GPR158: variants seen among roughly 807,000 people sequenced by gnomAD.
GPR158 encodes G protein-coupled receptor 158, also known as metabotropic glycine receptor.
Under a neutral mutation model 78.2 loss-of-function variants are expected in GPR158, and 30 were observed. That is an observed-to-expected ratio of 0.38 (90% CI 0.29 to 0.52). The LOEUF (loss-of-function observed/expected upper bound fraction) is 0.52. GPR158 is among the 20% of genes least tolerant of loss of function. GPR158 has a pLI of 0.83. For missense variants in GPR158, 1,463 were observed against 1,523.5 expected (o/e 0.96, Z 0.66); for synonymous variants, 581 against 591.1 (o/e 0.98, Z 0.25).
chr10:25,597,744 T>G (rs763713759), intron 10 of GPR158, 28 bp from the exon 11 acceptor site: 1 of 1,481,116 alleles, frequency 6.8e-7, no homozygotes, highest in Non-Finnish European at 9.0e-7. Context: ...AATTCTACAC[T>G]TCTTTGAATT....
rs756509446 is a variant in GPR158, at chr10:25,412,435, G to A, written c.1297G>A (p.Val433Ile). The change falls in exon 4 of 11, where the codon GTT becomes ATT. Residue 433 changes from valine to isoleucine, a missense_variant. Coordinates refer to ENST00000376351, the MANE Select transcript of GPR158 (RefSeq NM_020752.3). The stretch of plus-strand genomic sequence containing the variant: ...AGCCCTGTGTATGCTGCTCGACTTC[G>A]TTAGCATGCTGGTGGTCTACCACTT... ...FQALCMLLDF[V>I]SMLVVYHFRK... is the part of the protein sequence containing the mutation. 16 of 1,613,948 alleles carry A rather than the reference G, an allele frequency of 9.9e-6. No individual in the cohort carries two copies. Among genetic ancestry groups the A allele is most frequent in the South Asian group, 2.2e-5 (2 of 91,082 alleles).
chr10:25,437,287 A>G (rs1328079268), intron 4 of GPR158, among the ~76,000 whole-genome samples: 1 of 151,736 alleles, frequency 6.6e-6, no homozygotes, highest in Non-Finnish European at 1.5e-5. Flanking sequence ...GTACAGTGGT[A>G]CAGTCTCAGC....
chr10:25,559,743 TTATAAC>T (rs1276783803), intron 6 of GPR158, among the ~76,000 whole-genome samples: 1 of 152,220 alleles, frequency 6.6e-6, no homozygotes, highest in East Asian at 1.9e-4. Context: ...CTAATAGTGT[TTATAAC>T]TAGTGCTATT....
At chr10:25,227,507 T>C (rs1251540164) in intron 2 of GPR158, among the ~76,000 whole-genome samples, 1 of 152,186 alleles carries the variant, frequency 6.6e-6, no homozygotes, top group African/African-American at 2.4e-5. Flanking sequence ...CACATATAAT[T>C]AGGTGTACTA....
intron 2 of GPR158, among the ~76,000 whole-genome samples, chr10:25,232,026 C>T (rs1279698076): frequency 1.3e-5 from 2 of 152,104 alleles, no homozygotes; most frequent in South Asian, 2.1e-4. Context: ...CTCAAAGTAC[C>T]AGACTTTCTT....
chr10:25,312,891 A>C (rs747827850), intron 2 of GPR158, among the ~76,000 whole-genome samples: 3 of 152,022 alleles, frequency 2.0e-5, no homozygotes, highest in Admixed American at 6.6e-5. Context: ...ACGCCAGCAA[A>C]ATTTTAACCC....
chr10:25,187,575 T>A (rs1434420506), intron 1 of GPR158, among the ~76,000 whole-genome samples: 1 of 152,142 alleles, frequency 6.6e-6, no homozygotes, highest in Non-Finnish European at 1.5e-5. Context: ...TTCGACAAAA[T>A]TCAACAGCCC....
chr10:25,351,873 C>T (rs903078120), intron 2 of GPR158, among the ~76,000 whole-genome samples: 3 of 151,796 alleles, frequency 2.0e-5, no homozygotes, highest in African/African-American at 7.3e-5. Flanking sequence ...CATCCATTAG[C>T]TATTCTTCCT....
At chr10:25,213,086 A>G (rs1403844258) in intron 1 of GPR158, among the ~76,000 whole-genome samples, 3 of 152,196 alleles carry the variant, frequency 2.0e-5, no homozygotes, top group African/African-American at 7.2e-5. Context: ...CTGATTTTAA[A>G]TGATCATATC....
intron 2 of GPR158, among the ~76,000 whole-genome samples, chr10:25,287,401 T>C (rs906221329): frequency 5.9e-5 from 9 of 152,094 alleles, no homozygotes; most frequent in African/African-American, 2.2e-4. Flanking sequence ...CTTTTTTTAT[T>C]ATCCCCCTTC....
intron 6 of GPR158, among the ~76,000 whole-genome samples, chr10:25,565,548 T>C (rs529987977): frequency 9.9e-5 from 15 of 152,130 alleles, no homozygotes; most frequent in Admixed American, 2.0e-4. Flanking sequence ...CTGAACCAGC[T>C]GCTAGATAGT....
chr10:25,467,563 T>G (rs1835441825), intron 5 of GPR158, among the ~76,000 whole-genome samples: 1 of 152,174 alleles, frequency 6.6e-6, no homozygotes, highest in Non-Finnish European at 1.5e-5. Context: ...GGAAAGTAAC[T>G]CATGAGATAG....
At chr10:25,311,054 C>G (rs897238744) in intron 2 of GPR158, among the ~76,000 whole-genome samples, 1 of 151,968 alleles carries the variant, frequency 6.6e-6, no homozygotes, top group Non-Finnish European at 1.5e-5. Flanking sequence ...TCCTCAGTCT[C>G]TTATTCATAC....
At chr10:25,271,836 C>T (rs191627242) in intron 2 of GPR158, among the ~76,000 whole-genome samples, 6 of 151,888 alleles carry the variant, frequency 4.0e-5, no homozygotes, top group Admixed American at 3.9e-4. Flanking sequence ...AATGGGGTTT[C>T]ACCATGTTAG....
intron 2 of GPR158, among the ~76,000 whole-genome samples, chr10:25,240,801 G>A (rs1193165651): frequency 6.6e-6 from 1 of 152,122 alleles, no homozygotes; most frequent in Non-Finnish European, 1.5e-5. Flanking sequence ...TATCAATTGG[G>A]AGTAGAGCTA....
At chr10:25,213,964 T>G (rs1853170203) in intron 1 of GPR158, among the ~76,000 whole-genome samples, 1 of 152,194 alleles carries the variant, frequency 6.6e-6, no homozygotes. Flanking sequence ...ATTTGCATAT[T>G]GTCTCTTTAA....
At chr10:25,383,137 G>A (rs1278732988) in intron 2 of GPR158, among the ~76,000 whole-genome samples, 3 of 152,142 alleles carry the variant, frequency 2.0e-5, no homozygotes, top group African/African-American at 7.2e-5. Flanking sequence ...TCCCGGCCCA[G>A]ATGAGAAGAT....
chr10:25,331,324 A>C (rs1855118714), intron 2 of GPR158, among the ~76,000 whole-genome samples: 1 of 152,178 alleles, frequency 6.6e-6, no homozygotes, highest in African/African-American at 2.4e-5. Context: ...CTGGTAAGGG[A>C]AAGGGATGAC....
chr10:25,556,301 A>G (rs1434730977), intron 6 of GPR158, among the ~76,000 whole-genome samples: 1 of 152,166 alleles, frequency 6.6e-6, no homozygotes, highest in Non-Finnish European at 1.5e-5. Flanking sequence ...GCTGTTTAAG[A>G]TCCTAAGTCA....
Sources: gnomAD v4.1 joint callset for allele counts (sites outside exome capture counted in the v4.1 genomes callset) on GRCh38, gnomAD v4.1.1 for gene constraint, MANE v1.5 for transcripts, NCBI Gene and HGNC (gene_info 2026-07-23, HGNC 2026-07-21) for gene names.